The following MTHFD2L variants were observed in gnomAD, a reference collection of about 807,000 sequenced individuals.
MTHFD2L encodes bifunctional methylenetetrahydrofolate dehydrogenase/cyclohydrolase 2, mitochondrial.
Under a neutral mutation model 34.9 loss-of-function variants are expected in MTHFD2L, and 29 were observed. That is an observed-to-expected ratio of 0.83 (90% CI 0.62 to 1.13). MTHFD2L has a LOEUF of 1.13. Ranked by LOEUF, MTHFD2L falls within the 50% of genes most tolerant of loss-of-function variation. The probability of loss-of-function intolerance (pLI) is 0.00; values close to 1 mark genes in which losing one functional copy is unlikely to be tolerated. For missense variants in MTHFD2L, 481 were observed against 446.5 expected (o/e 1.08, Z -0.70); for synonymous variants, 167 against 155.7 (o/e 1.07, Z -0.54).
intron 1 of MTHFD2L, among the ~76,000 whole-genome samples, chr4:74,163,611 A>AT (rs1475793845): frequency 6.6e-6 from 1 of 152,196 alleles, no homozygotes; most frequent in African/African-American, 2.4e-5. Flanking sequence ...TATGAAACAA[A>AT]TTTTTTTAAA....
intron 7 of MTHFD2L, among the ~76,000 whole-genome samples, chr4:74,295,525 C>A (rs745910377): frequency 1.3e-5 from 2 of 152,130 alleles, no homozygotes; most frequent in Non-Finnish European, 2.9e-5. Context: ...CCTTTCACCC[C>A]AGATATTAAA....
intron 1 of MTHFD2L, among the ~76,000 whole-genome samples, chr4:74,141,008 C>G (rs1326301432): frequency 6.6e-6 from 1 of 152,138 alleles, no homozygotes; most frequent in Non-Finnish European, 1.5e-5. Flanking sequence ...GTTAGATTAC[C>G]TTACCAAATA....
intron 6 of MTHFD2L, among the ~76,000 whole-genome samples, chr4:74,275,390 A>G (rs1746481098): frequency 6.6e-6 from 1 of 152,134 alleles, no homozygotes; most frequent in African/African-American, 2.4e-5. Context: ...TATTGTAAAT[A>G]GCGCTGCGAT....
upstream of MTHFD2L, among the ~76,000 whole-genome samples, chr4:74,119,571 C>T (rs932284710): frequency 2.6e-5 from 4 of 152,120 alleles, no homozygotes; most frequent in African/African-American, 9.7e-5. Flanking sequence ...ATCACGAGGT[C>T]AGGAGATTGA....
chr4:74,230,920 C>T (rs1293665259), intron 6 of MTHFD2L, among the ~76,000 whole-genome samples: 5 of 152,058 alleles, frequency 3.3e-5, no homozygotes, highest in African/African-American at 9.7e-5. Context: ...ACATTACCCT[C>T]CACCCATCTG....
At chr4:74,201,568 ATT>A (rs5859422) in intron 5 of MTHFD2L, among the ~76,000 whole-genome samples, 198 bp downstream of exon 5, 27,801 of 141,018 alleles carry the variant, frequency 0.2, 3,339 homozygotes, top group African/African-American at 0.36. Context: ...CATTTTCTCT[ATT>A]TTTTTTTTTT....
chr4:74,137,712 C>T (rs1242440115), intron 1 of MTHFD2L, among the ~76,000 whole-genome samples: 1 of 151,978 alleles, frequency 6.6e-6, no homozygotes, highest in Non-Finnish European at 1.5e-5. Context: ...ATTTAAGTGC[C>T]CATAAATGGA....
At chr4:74,210,287 T>A (rs1736078514) in intron 5 of MTHFD2L, among the ~76,000 whole-genome samples, 1 of 152,252 alleles carries the variant, frequency 6.6e-6, no homozygotes, top group East Asian at 1.9e-4. Flanking sequence ...CAAATGGTAT[T>A]GCCTAGGTTT....
chr4:74,221,449 T>C (rs1738173240), intron 5 of MTHFD2L, among the ~76,000 whole-genome samples: 1 of 151,808 alleles, frequency 6.6e-6, no homozygotes, highest in Admixed American at 6.6e-5. Flanking sequence ...TTCTATTTCT[T>C]TTTCTTATGT....
At chr4:74,207,331 GCA>G (rs1370525298) in intron 5 of MTHFD2L, among the ~76,000 whole-genome samples, 1 of 152,108 alleles carries the variant, frequency 6.6e-6, no homozygotes, top group Non-Finnish European at 1.5e-5. Flanking sequence ...AAAGGTTCTG[GCA>G]TCATTGGAGT....
intron 5 of MTHFD2L, among the ~76,000 whole-genome samples, chr4:74,208,612 T>C (rs920752166): frequency 5.9e-5 from 9 of 151,670 alleles, no homozygotes; most frequent in Non-Finnish European, 1.2e-4. Flanking sequence ...GTGAGAAAAA[T>C]GGAATTTATT....
chr4:74,152,585 A>G (rs1276450360), intron 1 of MTHFD2L, among the ~76,000 whole-genome samples: 2 of 152,022 alleles, frequency 1.3e-5, no homozygotes, highest in African/African-American at 4.8e-5. Flanking sequence ...GTATACATAC[A>G]CCATGGTAGT....
intron 6 of MTHFD2L, among the ~76,000 whole-genome samples, chr4:74,234,188 T>A (rs1740506389): frequency 6.6e-6 from 1 of 152,052 alleles, no homozygotes; most frequent in East Asian, 1.9e-4. Flanking sequence ...TCTGTAGCCT[T>A]TGATATTATC....
At chr4:74,296,511 T>C (rs1749653838) in intron 7 of MTHFD2L, among the ~76,000 whole-genome samples, 1 of 152,104 alleles carries the variant, frequency 6.6e-6, no homozygotes, top group African/African-American at 2.4e-5. Flanking sequence ...TTAGCAACTC[T>C]TATGTAAGCA....
chr4:74,205,348 A>G (rs1290160183), intron 5 of MTHFD2L, among the ~76,000 whole-genome samples: 2 of 152,218 alleles, frequency 1.3e-5, no homozygotes, highest in African/African-American at 2.4e-5. Flanking sequence ...CGGCAAATGC[A>G]TATCTATAGA....
At chr4:74,240,917 C>G (rs1385609993) in intron 6 of MTHFD2L, among the ~76,000 whole-genome samples, 1 of 152,062 alleles carries the variant, frequency 6.6e-6, no homozygotes, top group South Asian at 2.1e-4. Flanking sequence ...TTGGCTTTTC[C>G]TGGGACAAAG....
chr4:74,171,096 T>C (rs1180611840), intron 1 of MTHFD2L, among the ~76,000 whole-genome samples: 1 of 151,886 alleles, frequency 6.6e-6, no homozygotes, highest in Non-Finnish European at 1.5e-5. Flanking sequence ...ACCTGCACAT[T>C]GTGCACATGT....
At chr4:74,232,410 C>A (rs534341215) in intron 6 of MTHFD2L, among the ~76,000 whole-genome samples, 118 of 152,034 alleles carry the variant, frequency 7.8e-4, no homozygotes, top group Non-Finnish European at 7.9e-4. Context: ...TTCTCTCAGG[C>A]CTTTATCCAC....
intron 6 of MTHFD2L, among the ~76,000 whole-genome samples, chr4:74,277,258 G>A (rs1208324588): frequency 6.6e-6 from 1 of 151,674 alleles, no homozygotes; most frequent in Non-Finnish European, 1.5e-5. Context: ...GGCGAATGGA[G>A]TCTTATCTGT....
Sources: allele counts gnomAD v4.1 joint callset (sites outside exome capture counted in the v4.1 genomes callset), GRCh38; gene constraint gnomAD v4.1.1; transcripts MANE v1.5; gene names NCBI Gene and HGNC (gene_info 2026-07-23, HGNC 2026-07-21).